Variants in SPTBN5 observed in about 807,000 individuals in gnomAD.
SPTBN5 encodes the protein spectrin beta, non-erythrocytic 5.
SPTBN5 carries 513 observed loss-of-function variants against 477.6 expected under a neutral mutation model. The observed-to-expected ratio is 1.07, with a 90% CI of 1.00 to 1.16. The LOEUF (loss-of-function observed/expected upper bound fraction) is 1.16. SPTBN5 is among the 50% of genes most tolerant of loss of function. SPTBN5 has a pLI of 0.00. For missense variants in SPTBN5, 5,062 were observed against 4,731.8 expected, an observed-to-expected ratio of 1.07 and a Z score of -2.05; for synonymous variants, 2,169 against 2,011.7, an observed-to-expected ratio of 1.08 and a Z score of -2.09.
rs376479084 is a variant in SPTBN5 at position 41,875,054 on chromosome 15, A to G, written c.4290T>C (p.Asp1430=). Residue 1430 remains aspartate (D), a splice_region_variant and synonymous_variant, in exon 23 of 68, where the codon GAT becomes GAC. Transcript: ENST00000320955. ...CGAGCTGCTCCAGCTGCTCCTTTGC[A>G]TCCTGGGAGGGACGCATGGAGCTGC... is the stretch of plus-strand genomic sequence containing the variant. ...QQEQLLRQLQ[D]AKEQLEQLEG... is the part of the protein sequence containing the mutation. 15 of 1,609,350 alleles carry G rather than the reference A, an allele frequency of 9.3e-6. No homozygotes were observed. The African/African-American group carries it at 1.3e-4, about 14-fold the overall frequency.
rs371470464 is a variant in SPTBN5 at position 41,879,245 on chromosome 15, C to T, written c.3182+15G>A. ...TCCTCACTGCCTCCCAATGCCACCACTGCGCTGGCCGTACTTTACGACCAC... is the reference window on the plus strand; with the variant it reads ...TCCTCACTGCCTCCCAATGCCACCATTGCGCTGGCCGTACTTTACGACCAC... On this transcript the variant is annotated intron_variant, in intron 16 of 67. Transcript: ENST00000320955. The T allele has an allele frequency of 1.3e-6, 2 of 1,599,782 alleles. No individual in the cohort carries two copies. Among genetic ancestry groups the T allele is most frequent in the African/African-American group, 2.7e-5 (2 of 74,746 alleles).
chr15:41,861,721 G>A lies in SPTBN5; in HGVS notation c.7737+14C>T, dbSNP rs1310311025. On this transcript the variant is annotated intron_variant, in intron 45 of 67. Transcript: ENST00000320955. The stretch of plus-strand genomic sequence containing the variant: ...GGGGGGCAAGATGCAGGCTGGGGAT[G>A]GGACTGTGCCTGCCTGTAGCTCCAG... The A allele has an allele frequency of 6.5e-7, 1 of 1,534,446 alleles. No individual in the cohort carries two copies. The highest frequency in any genetic ancestry group is 8.7e-7 in the Non-Finnish European group (1 of 1,143,354).
chr15:41,872,246 T>C, intron 27 of SPTBN5, 56 bp downstream of exon 27: 1 of 1,559,714 alleles, frequency 6.4e-7, no homozygotes, highest in East Asian at 2.3e-5. Flanking sequence ...ATGGGAACAG[T>C]CAGCTGTGGC....
Position 41,857,735 on chromosome 15 carries a change from C to T in SPTBN5, c.8227-25G>A. 6.5e-6 allele frequency: 10 copies of T among 1,547,032 alleles called. No homozygotes were observed. The South Asian group carries it at 9.4e-5, about 15-fold the overall frequency. Reference sequence around the variant, plus strand: ...CCTGCAGCCACAACATGAAACACACCTTGTGGACTCAGGACTGCTGGTACC... The same window carrying T: ...CCTGCAGCCACAACATGAAACACACTTTGTGGACTCAGGACTGCTGGTACC... On this transcript the variant is annotated intron_variant, in intron 49 of 67. Transcript: ENST00000320955.
rs1466051812 is a variant in SPTBN5 at position 41,851,832 on chromosome 15, T to C, written c.10603A>G (p.Thr3535Ala). Reference sequence around the variant, plus strand: ...TTGAACTCCAAAGACCCCTCCATGGTGGGGGTACCCTTTGCATCCTGAAAA... The same window carrying C: ...TTGAACTCCAAAGACCCCTCCATGGCGGGGGTACCCTTTGCATCCTGAAAA... The part of the protein sequence containing the change: ...RDPQDAKGTP[T>A]MEGSLEFKQH... The change falls in exon 63 of 68, where the codon ACC (threonine) becomes GCC (alanine). Residue 3535 changes from threonine (T) to alanine (A), a missense_variant. Coordinates refer to ENST00000320955, the MANE Select transcript of SPTBN5 (RefSeq NM_016642.4). 6.2e-7 allele frequency: 1 copy of C among 1,610,194 alleles called. No individual in the cohort carries two copies. Among genetic ancestry groups the C allele is most frequent in the Admixed American group, 1.7e-5 (1 of 59,928 alleles).
intron 66 of SPTBN5, chr15:41,850,274 GGA>G (rs1168955581): frequency 1.6e-5 from 6 of 377,248 alleles, no homozygotes; most frequent in African/African-American, 1.2e-4. Flanking sequence ...ACTCTTGGGA[GGA>G]GAGTCCAGGG....
At position 41,856,540 on chromosome 15, in the gene SPTBN5, C is replaced by T; in HGVS notation, c.8867G>A (p.Gly2956Glu). ...GTGCCCAGCCTGCACCAGCTTGTAC[C>T]CAGTGCCCAGCACCACCCGGGTCAG... ...EALTRVVLGT[G>E]YKLVQAGHFA... is the part of the protein sequence containing the mutation. The change falls in exon 53 of 68, where the codon GGG becomes GAG. Residue 2956 changes from glycine (G) to glutamate (E), a missense_variant. By Grantham distance (98) the Gly-to-Glu change is moderately conservative. Coordinates refer to ENST00000320955, the MANE Select transcript of SPTBN5 (RefSeq NM_016642.4). 6.2e-7 allele frequency: 1 copy of T among 1,602,220 alleles called. No homozygotes were observed. The highest frequency in any genetic ancestry group is 1.3e-5 in the African/African-American group (1 of 74,814).
At chr15:41,856,308 G>A in intron 53 of SPTBN5, 78 bp downstream of exon 53, 8 of 1,331,618 alleles carry the variant, frequency 6.0e-6, no homozygotes, top group Non-Finnish European at 8.1e-6. Flanking sequence ...CAGGCCAGGA[G>A]CCCCGGAGTG....
rs552764100 is a variant in SPTBN5 at position 41,876,271 on chromosome 15, T to C, written c.3965A>G (p.Asp1322Gly). 6.4e-7 allele frequency: 1 copy of C among 1,573,040 alleles called. No homozygotes were observed. Among genetic ancestry groups the C allele is most frequent in the East Asian group, 2.3e-5 (1 of 43,858 alleles). The change falls in exon 21 of 68, where the codon GAT becomes GGT. Residue 1322 changes from aspartate to glycine, a missense_variant. Coordinates refer to ENST00000320955, the MANE Select transcript of SPTBN5 (RefSeq NM_016642.4). ...ASLQLQEWKQ[D>G]VAELMQWMEE... is the part of the protein sequence containing the mutation. Reference sequence around the variant, plus strand: ...CATCCACTGCATCAGCTCTGCCACATCCTGCTTCCACTCCTGCCAAGAACC... The same window carrying C: ...CATCCACTGCATCAGCTCTGCCACACCCTGCTTCCACTCCTGCCAAGAACC...
rs868228216 is a variant in SPTBN5 at position 41,887,422 on chromosome 15, C to G, written c.679G>C (p.Gly227Arg). ...HAHRPDLLDYGSLRPDRPLHN... is the reference protein window; with the variant it reads ...HAHRPDLLDYRSLRPDRPLHN... ...AGTGGGCGGTCTGGACGCAGGGAGC[C>G]GTAGTCCAACAGGTCTGGCCTGGAC... Residue 227 changes from glycine to arginine, a missense_variant, in exon 6 of 68, where the codon GGC (glycine) becomes CGC (arginine). Physicochemically the swap from Gly to Arg is moderately radical, Grantham distance 125 (BLOSUM62 -2). Transcript: ENST00000320955. 6.4e-7 allele frequency: 1 copy of G among 1,552,878 alleles called. No homozygotes were observed. Among genetic ancestry groups the G allele is most frequent in the African/African-American group, 1.4e-5 (1 of 73,168 alleles).
rs533889629 is a variant in SPTBN5 at position 41,873,251 on chromosome 15, C to T, written c.5007+241G>A. Among the ~76,000 whole-genome samples the T allele has an allele frequency of 7.2e-5, 11 of 152,164 alleles. No individual in the cohort carries two copies. The East Asian group carries it at 2.1e-3, about 29-fold the overall frequency. On this transcript the variant is annotated intron_variant, in intron 26 of 67. Transcript: ENST00000320955. ...AAGAGGAGGCGGAGAAACCCCAAGG[C>T]CACAGGGAGAGGCAAGACTCGTAAG...
Position 41,868,254 on chromosome 15 carries a change from G to A in SPTBN5, c.6058-36C>T, listed in dbSNP as rs146774974. ...ACACATGAGGAGCCTCAGCTGGGGA[G>A]GGTGGTGTGGGTGAGGTGAGGACTG... On this transcript the variant is annotated intron_variant, in intron 33 of 67. Coordinates refer to ENST00000320955, the MANE Select transcript of SPTBN5 (RefSeq NM_016642.4). 2.2e-3 allele frequency: 3,510 copies of A among 1,574,206 alleles called. 29 individuals are homozygous for A. Among genetic ancestry groups the A allele is most frequent in the South Asian group, 0.018 (1,572 of 86,012 alleles).
chr15:41,893,096 C>A, intron 2 of SPTBN5, 35 bp from the exon 3 acceptor site: 1 of 1,600,004 alleles, frequency 6.2e-7, no homozygotes, highest in South Asian at 1.1e-5. Flanking sequence ...TGGGGTCAGC[C>A]CAGCCTCACC....
chr15:41,875,986 G>A (rs1595489380), intron 21 of SPTBN5, 128 bp downstream of exon 21: 1 of 1,173,196 alleles, frequency 8.5e-7, no homozygotes, highest in Non-Finnish European at 1.2e-6. Context: ...AGGCTTGCAG[G>A]GGGAGGTTCT....
At chr15:41,884,240 C>T (rs1328730698) in intron 7 of SPTBN5, among the ~76,000 whole-genome samples, 2 of 152,202 alleles carry the variant, frequency 1.3e-5, no homozygotes, top group Non-Finnish European at 2.9e-5. Context: ...CCCGCCTCAG[C>T]CTCCCAAAGT....
At position 41,878,538 on chromosome 15, in the gene SPTBN5, C is replaced by T. The variant is rs373976921; in HGVS notation, c.3274G>A (p.Ala1092Thr). The change falls in exon 17 of 68, where the codon GCC becomes ACC. Residue 1092 changes from alanine (A) to threonine (T), a missense_variant. By Grantham distance (58) the Ala-to-Thr change is moderately conservative. Transcript: ENST00000320955. ...TCAGCCTGGCGCCGGGCCCGTTGGG[C>T]CACTTGTTCCTGTACTTGCTTCAGC... ...GLLKQVQEQV[A>T]QRARRQAETQ... 1.2e-6 allele frequency: 2 copies of T among 1,612,884 alleles called. No individual in the cohort carries two copies. The highest frequency in any genetic ancestry group is 1.7e-6 in the Non-Finnish European group (2 of 1,179,716).
In SPTBN5 at chr15:41,863,778, G is replaced by A. The variant is rs771472520; in HGVS notation, c.7075C>T (p.Gln2359Ter). The change falls in exon 41 of 68, where the codon CAG becomes TAG. Residue 2359 changes from glutamine (Q) to a stop codon, truncating the protein, a stop_gained. Transcript: ENST00000320955. LOFTEE classifies it high-confidence loss of function. Reference sequence around the variant, plus strand: ...TGTATCTCCAAGGCCCCTTCGAGCTGCTGCTGGTACCGGAGCAAGTTGCCA... The same window carrying A: ...TGTATCTCCAAGGCCCCTTCGAGCTACTGCTGGTACCGGAGCAAGTTGCCA... The part of the protein sequence containing the change: ...FHGNLLRYQQ[Q>*]LEGALEIHVL... 1 of 1,613,720 alleles carries A rather than the reference G, an allele frequency of 6.2e-7. No individual in the cohort carries two copies.
chr15:41,853,558 C>T lies in SPTBN5; in HGVS notation c.9980+24G>A, dbSNP rs779347902. The T allele has an allele frequency of 3.1e-5, 48 of 1,554,734 alleles. No homozygotes were observed. In the East Asian group the frequency reaches 3.2e-4, roughly 10 times the overall value. On this transcript the variant is annotated intron_variant, in intron 58 of 67. Coordinates refer to ENST00000320955, the MANE Select transcript of SPTBN5 (RefSeq NM_016642.4). ...CCCACCCCACAGGGTAGAGCTGAGC[C>T]GGCAGCTGAGGTAGGACACCTACAG... is the stretch of plus-strand genomic sequence containing the variant.
chr15:41,863,765 GC>G lies in SPTBN5; in HGVS notation c.7087del (p.Ala2363ProfsTer24). On this transcript the variant is annotated frameshift_variant, in exon 41 of 68. Transcript: ENST00000320955. LOFTEE classifies it high-confidence loss of function. ...LLRYQQQLEG[A>X]LEIHVLSREL... ...TCGGGACAACACGTGTATCTCCAAGGCCCCTTCGAGCTGCTGCTGGTACCGG... is the reference window on the plus strand; with the variant it reads ...TCGGGACAACACGTGTATCTCCAAGGCCCTTCGAGCTGCTGCTGGTACCGG... 1 of 1,613,772 alleles carries G rather than the reference GC, an allele frequency of 6.2e-7. No individual in the cohort carries two copies.
Sources: gnomAD v4.1 joint callset for allele counts (sites outside exome capture counted in the v4.1 genomes callset) on GRCh38, gnomAD v4.1.1 for gene constraint, MANE v1.5 for transcripts, NCBI Gene and HGNC (gene_info 2026-07-23, HGNC 2026-07-21) for gene names.